The following GPC6 variants were observed in gnomAD, a reference collection of about 807,000 sequenced individuals.
GPC6 encodes the protein glypican-6.
A neutral mutation model predicts 55.2 loss-of-function variants in GPC6; 14 were observed. That is an observed-to-expected ratio of 0.25 (90% confidence interval 0.17 to 0.40). The LOEUF is 0.40. Ranked by LOEUF, GPC6 falls within the 10% of genes least tolerant of loss-of-function variation. The probability of loss-of-function intolerance (pLI) is 1.00; values close to 1 mark genes in which losing one functional copy is unlikely to be tolerated. For synonymous variants in GPC6, 278 were observed against 259.6 expected, an observed-to-expected ratio of 1.07 and a Z score of -0.68; for missense variants, 641 against 708.5, an observed-to-expected ratio of 0.90 and a Z score of 1.08.
At chr13:94,051,691 G>T (rs1275099813) in intron 4 of GPC6, among the ~76,000 whole-genome samples, 1 of 151,942 alleles carries the variant, frequency 6.6e-6, no homozygotes, top group Non-Finnish European at 1.5e-5. Context: ...GGATATAATT[G>T]TTTCTTTCAT....
At chr13:93,254,084 A>G (rs945758410) in intron 1 of GPC6, among the ~76,000 whole-genome samples, 3 of 152,150 alleles carry the variant, frequency 2.0e-5, no homozygotes, top group Non-Finnish European at 2.9e-5. Flanking sequence ...AGCATTTGGG[A>G]GGCCAAGGTT....
chr13:93,530,199 A>C (rs1352244365), intron 1 of GPC6, among the ~76,000 whole-genome samples: 1 of 152,172 alleles, frequency 6.6e-6, no homozygotes, highest in Non-Finnish European at 1.5e-5. Flanking sequence ...AAATAGAAGC[A>C]ACAGTCTGGG....
intron 1 of GPC6, among the ~76,000 whole-genome samples, chr13:93,520,794 T>G (rs1258260652): frequency 8.6e-6 from 1 of 116,124 alleles, no homozygotes; most frequent in Admixed American, 9.1e-5. Context: ...AATAAACTTA[T>G]AGACAAACTA....
chr13:93,992,653 A>G (rs1002009764), intron 3 of GPC6, among the ~76,000 whole-genome samples: 3 of 152,180 alleles, frequency 2.0e-5, no homozygotes, highest in African/African-American at 7.2e-5. Flanking sequence ...ATGCAAGATC[A>G]GTGGCCTGGA....
chr13:93,840,274 C>T (rs1887899606), intron 3 of GPC6, among the ~76,000 whole-genome samples: 1 of 152,082 alleles, frequency 6.6e-6, no homozygotes, highest in African/African-American at 2.4e-5. Context: ...TTACAACTGA[C>T]ACCACTGAAA....
At chr13:94,063,299 T>C (rs544403525) in intron 4 of GPC6, among the ~76,000 whole-genome samples, 1 of 152,298 alleles carries the variant, frequency 6.6e-6, no homozygotes, top group South Asian at 2.1e-4. Flanking sequence ...CAGACTTTGT[T>C]TGGGAATCCC....
chr13:94,018,078 G>A (rs559469595), intron 3 of GPC6, among the ~76,000 whole-genome samples: 80 of 152,174 alleles, frequency 5.3e-4, no homozygotes, highest in African/African-American at 1.9e-3. Flanking sequence ...CCATTATCAT[G>A]TTTAGAGAAT....
intron 1 of GPC6, among the ~76,000 whole-genome samples, chr13:93,399,877 C>T (rs2139230320): frequency 6.6e-6 from 1 of 152,312 alleles, no homozygotes; most frequent in Middle Eastern, 3.4e-3. Context: ...GTGTGTTCTA[C>T]AAGCTTCTTT....
chr13:94,344,182 C>A (rs182595990), intron 6 of GPC6, among the ~76,000 whole-genome samples: 1 of 152,276 alleles, frequency 6.6e-6, no homozygotes, highest in Admixed American at 6.5e-5. Flanking sequence ...AGAAAAAAAT[C>A]AACAATATTG....
intron 6 of GPC6, among the ~76,000 whole-genome samples, chr13:94,377,715 T>A (rs1381650788): frequency 6.6e-6 from 1 of 152,158 alleles, no homozygotes; most frequent in Non-Finnish European, 1.5e-5. Context: ...CAAAGGACTA[T>A]AAATCATGCT....
At chr13:93,634,474 T>C (rs1460311220) in intron 2 of GPC6, among the ~76,000 whole-genome samples, 2 of 152,228 alleles carry the variant, frequency 1.3e-5, no homozygotes, top group Non-Finnish European at 2.9e-5. Context: ...ATGCAAGTTA[T>C]AGAAAACCCT....
intron 2 of GPC6, among the ~76,000 whole-genome samples, chr13:93,651,499 CATAAGGTGTAA>C (rs1230461294): frequency 6.6e-6 from 1 of 152,178 alleles, no homozygotes; most frequent in Non-Finnish European, 1.5e-5. Flanking sequence ...TAGTTTTCTT[CATAAGGTGTAA>C]ATCCTGCCTG....
At position 94,023,021 on chromosome 13, in the gene GPC6, A is replaced by C. The variant is rs545742937; in HGVS notation, c.712-4708A>C. 4.1e-3 allele frequency among the ~76,000 whole-genome samples: 627 copies of C among 152,228 alleles called. 3 individuals carry two copies. Among genetic ancestry groups the C allele is most frequent in the African/African-American group, 0.015 (605 of 41,572 alleles). On this transcript the variant is annotated intron_variant, in intron 3 of 8. Coordinates refer to ENST00000377047, the MANE Select transcript of GPC6 (RefSeq NM_005708.5). ...CCCAGTTTACTATGACTATCTGGAA[A>C]GTTACAGCTACATTATTTAAAAAAT...
intron 3 of GPC6, among the ~76,000 whole-genome samples, chr13:93,907,157 C>G (rs2140332179): frequency 6.6e-6 from 1 of 152,194 alleles, no homozygotes; most frequent in South Asian, 2.1e-4. Context: ...GATCTACAAT[C>G]CTTCAATTAT....
At chr13:93,494,975 C>A (rs572982910) in intron 1 of GPC6, among the ~76,000 whole-genome samples, 2 of 139,792 alleles carry the variant, frequency 1.4e-5, no homozygotes, top group Admixed American at 7.4e-5. Context: ...TTCATTTCAA[C>A]TTTGGTGAAT....
intron 2 of GPC6, among the ~76,000 whole-genome samples, chr13:93,665,646 T>G (rs1370854962): frequency 6.6e-6 from 1 of 152,188 alleles, no homozygotes; most frequent in African/African-American, 2.4e-5. Flanking sequence ...GGATAGCATT[T>G]AATGAAAGCT....
chr13:94,217,618 C>A (rs1294015826), intron 4 of GPC6, among the ~76,000 whole-genome samples: 3 of 152,098 alleles, frequency 2.0e-5, no homozygotes. Flanking sequence ...TTGAACACTG[C>A]CTTCAATGGA....
chr13:93,836,086 G>T (rs1393662598), intron 3 of GPC6: 1 of 152,106 alleles, frequency 6.6e-6, no homozygotes, highest in African/African-American at 2.4e-5. Context: ...TGATGTTTTT[G>T]CTCGAAGAGC....
At chr13:93,830,851 C>A in intron 3 of GPC6, 1 of 315,328 alleles carries the variant, frequency 3.2e-6, no homozygotes. Flanking sequence ...CAACTATGAT[C>A]ATTTGATATT....
Sources: allele counts gnomAD v4.1 joint callset (sites outside exome capture counted in the v4.1 genomes callset), GRCh38; gene constraint gnomAD v4.1.1; transcripts MANE v1.5; gene names NCBI Gene and HGNC (gene_info 2026-07-23, HGNC 2026-07-21).